AGAP1: variants seen among roughly 807,000 people sequenced by gnomAD.
AGAP1 encodes the protein arf-GAP with GTPase, ANK repeat and PH domain-containing protein 1.
AGAP1 carries 29 observed loss-of-function variants against 105.3 expected under a neutral mutation model. The ratio of observed to expected loss-of-function variants is 0.28; its 90% CI spans 0.21 to 0.38. AGAP1 has a LOEUF of 0.38. AGAP1 is among the 10% of genes least tolerant of loss of function. The probability of loss-of-function intolerance (pLI) is 1.00; values close to 1 mark genes in which losing one functional copy is unlikely to be tolerated. For synonymous variants in AGAP1, 509 were observed against 485.9 expected (o/e 1.05, Z -0.63); for missense variants, 998 against 1,165.1 (o/e 0.86, Z 2.09).
At chr2:235,656,805 C>T (rs1169705737) in intron 1 of AGAP1, among the ~76,000 whole-genome samples, 1 of 152,156 alleles carries the variant, frequency 6.6e-6, no homozygotes. Context: ...TATTTGAGTG[C>T]TATTTCTTTT....
intron 8 of AGAP1, among the ~76,000 whole-genome samples, chr2:235,803,879 A>C (rs1451552324): frequency 6.6e-6 from 1 of 152,248 alleles, no homozygotes; most frequent in Non-Finnish European, 1.5e-5. Flanking sequence ...GAAAAAAAAC[A>C]AACATTAAAA....
chr2:235,683,446 T>A (rs769205012), intron 1 of AGAP1, among the ~76,000 whole-genome samples: 67 of 151,346 alleles, frequency 4.4e-4, no homozygotes, highest in Non-Finnish European at 8.1e-4. Context: ...TACATTTGTA[T>A]AATTTATAAA....
At chr2:235,946,440 G>A (rs1363507431) in intron 12 of AGAP1, among the ~76,000 whole-genome samples, 1 of 151,970 alleles carries the variant, frequency 6.6e-6, no homozygotes, top group African/African-American at 2.4e-5. Context: ...AAAGAGCTGG[G>A]GATTCCAGGC....
intron 1 of AGAP1, among the ~76,000 whole-genome samples, chr2:235,533,056 C>T (rs545414770): frequency 6.6e-6 from 1 of 152,212 alleles, no homozygotes; most frequent in South Asian, 2.1e-4. Context: ...AAGGAAAAAA[C>T]CCCACCACAT....
At chr2:235,565,809 C>T (rs534549122) in intron 1 of AGAP1, among the ~76,000 whole-genome samples, 3 of 152,148 alleles carry the variant, frequency 2.0e-5, no homozygotes, top group Non-Finnish European at 2.9e-5. Context: ...TACAGGTGCA[C>T]GCCACCACGC....
chr2:236,013,532 C>G (rs931892760), intron 13 of AGAP1, among the ~76,000 whole-genome samples: 1 of 152,196 alleles, frequency 6.6e-6, no homozygotes, highest in African/African-American at 2.4e-5. Flanking sequence ...ACCAGAGGGC[C>G]AGCCTGGCTG....
rs563271588 is a variant in AGAP1 at position 235,553,923 on chromosome 2, C to T, written c.163+59074C>T. Among the ~76,000 whole-genome samples the T allele has an allele frequency of 5.4e-4, 82 of 152,330 alleles. No homozygotes were observed. Among genetic ancestry groups the T allele is most frequent in the African/African-American group, 1.9e-3 (80 of 41,582 alleles). ...CCGCCTCCCACCCCACCCCGTGGTG[C>T]GGCGTGTGCCAAGACCAGCCCTCTG... is the stretch of plus-strand genomic sequence containing the variant. On this transcript the variant is annotated intron_variant, in intron 1 of 17. Transcript: ENST00000304032. The surrounding 1 kb of genome is among the most constrained non-coding windows in gnomAD (Gnocchi z 4.5).
chr2:235,792,477 C>T lies in AGAP1; in HGVS notation c.674-5282C>T, dbSNP rs1284788807. 1.3e-5 allele frequency among the ~76,000 whole-genome samples: 2 copies of T among 152,108 alleles called. No individual in the cohort carries two copies. Among genetic ancestry groups the T allele is most frequent in the Admixed American group, 6.6e-5 (1 of 15,260 alleles). ...TTGAAAAACTGGAAATAGAACAGCGCTGTGGTAAGATTTGCCTTTGAGGTC... is the reference window on the plus strand; with the variant it reads ...TTGAAAAACTGGAAATAGAACAGCGTTGTGGTAAGATTTGCCTTTGAGGTC... On this transcript the variant is annotated intron_variant, in intron 6 of 17. Coordinates refer to ENST00000304032, the MANE Select transcript of AGAP1 (RefSeq NM_001037131.3). This position sits in a 1 kb window ranked among gnomAD's most constrained non-coding sequence, Gnocchi z 5.3.
At chr2:235,975,233 G>A (rs941275015) in intron 13 of AGAP1, among the ~76,000 whole-genome samples, 1 of 152,170 alleles carries the variant, frequency 6.6e-6, no homozygotes, top group Non-Finnish European at 1.5e-5. Flanking sequence ...TGTTGCTATT[G>A]ATCAGTTACC....
chr2:236,041,562 G>T (rs997751654), intron 15 of AGAP1, among the ~76,000 whole-genome samples: 2 of 152,164 alleles, frequency 1.3e-5, no homozygotes, highest in Non-Finnish European at 2.9e-5. Flanking sequence ...AATCTTGAGA[G>T]TAGGGACTTA....
At chr2:235,673,722 A>G (rs957371829) in intron 1 of AGAP1, among the ~76,000 whole-genome samples, 2 of 152,186 alleles carry the variant, frequency 1.3e-5, no homozygotes, top group African/African-American at 4.8e-5. Context: ...CATGAGAAGC[A>G]CCACTGGCTT....
chr2:235,604,775 G>A (rs1213353856), intron 1 of AGAP1, among the ~76,000 whole-genome samples: 1 of 151,418 alleles, frequency 6.6e-6, no homozygotes, highest in East Asian at 2.0e-4. Flanking sequence ...GTAGAGATGG[G>A]GTTTCACCAT....
chr2:236,043,844 T>C (rs2057635662), intron 15 of AGAP1, among the ~76,000 whole-genome samples: 1 of 152,114 alleles, frequency 6.6e-6, no homozygotes, highest in African/African-American at 2.4e-5. Flanking sequence ...TACAGGTATT[T>C]AGAGGGGAAA....
chr2:236,008,798 C>T (rs1345719486), intron 13 of AGAP1, among the ~76,000 whole-genome samples: 1 of 152,184 alleles, frequency 6.6e-6, no homozygotes, highest in African/African-American at 2.4e-5. Context: ...ATCATATTTG[C>T]TGTAAAGAAA....
At position 235,627,192 on chromosome 2, in the gene AGAP1, G is replaced by GTTTTTTTT. The variant is rs36086999; in HGVS notation, c.164-81970_164-81963dup. Among the ~76,000 whole-genome samples, 385 of 95,586 alleles carry GTTTTTTTT rather than the reference G, an allele frequency of 4.0e-3. 6 individuals carry two copies. Among genetic ancestry groups the GTTTTTTTT allele is most frequent in the African/African-American group, 0.015 (335 of 22,236 alleles). The allele number at this position is 95,586 out of a possible 152,430, so 62.7% of individuals were successfully genotyped here. On this transcript the variant is annotated intron_variant, in intron 1 of 17. Transcript: ENST00000304032. ...TGTGCTGGCCCCAGGCTGTTTTGAG[G>GTTTTTTTT]TTTTTTTTTTTTTTTTTTTTTTTTG...
At chr2:235,511,448 C>T (rs534088632) in intron 1 of AGAP1, among the ~76,000 whole-genome samples, 4 of 152,174 alleles carry the variant, frequency 2.6e-5, no homozygotes, top group Non-Finnish European at 5.9e-5. Flanking sequence ...CTCAAGTGTT[C>T]TAGGAAACCG....
intron 1 of AGAP1, among the ~76,000 whole-genome samples, chr2:235,572,504 G>A (rs1258240646): frequency 6.6e-6 from 1 of 152,042 alleles, no homozygotes; most frequent in Non-Finnish European, 1.5e-5. Flanking sequence ...CCTGCCTCCT[G>A]CGTCCTTTGC....
chr2:235,752,741 A>G lies in AGAP1; in HGVS notation c.673+2253A>G, dbSNP rs1953555699. Among the ~76,000 whole-genome samples the G allele has an allele frequency of 1.3e-5, 2 of 152,150 alleles. No homozygotes were observed. Among genetic ancestry groups the G allele is most frequent in the Non-Finnish European group, 2.9e-5 (2 of 68,024 alleles). ...GGTTAACATACATGAGTTTTCCATA[A>G]ATTGATGAGTGCTTCTTATAAAAAT... On this transcript the variant is annotated intron_variant, in intron 6 of 17. Transcript: ENST00000304032. The surrounding 1 kb of genome is among the most constrained non-coding windows in gnomAD (Gnocchi z 4.3).
chr2:235,950,887 C>CTTTTTTTTTTTTT, intron 12 of AGAP1, among the ~76,000 whole-genome samples: 1 of 118,258 alleles, frequency 8.5e-6, no homozygotes, highest in Non-Finnish European at 1.8e-5. Flanking sequence ...TCTCCAAGCA[C>CTTTTTTTTTTTTT]TTTTTTTTTT....
Sources: allele counts gnomAD v4.1 joint callset (sites outside exome capture counted in the v4.1 genomes callset), GRCh38; gene constraint gnomAD v4.1.1; non-coding constraint Gnocchi (gnomAD v3.1); transcripts MANE v1.5; gene names NCBI Gene and HGNC (gene_info 2026-07-23, HGNC 2026-07-21).